Variants in QKI observed in about 807,000 individuals in gnomAD.
QKI encodes the protein KH domain-containing RNA-binding protein QKI.
Under a neutral mutation model 39.0 loss-of-function variants are expected in QKI, and 10 were observed. The ratio of observed to expected loss-of-function variants is 0.26; its 90% CI spans 0.16 to 0.43. The LOEUF (loss-of-function observed/expected upper bound fraction) is 0.43, where lower values mean the gene tolerates loss of function less well. QKI is among the 20% of genes least tolerant of loss of function. The probability of loss-of-function intolerance (pLI) is 1.00; values close to 1 mark genes in which losing one functional copy is unlikely to be tolerated. For synonymous variants in QKI, 204 were observed against 155.4 expected, an observed-to-expected ratio of 1.31 and a Z score of -2.33; for missense variants, 218 against 428.0, an observed-to-expected ratio of 0.51 and a Z score of 4.33.
chr6:163,570,477 C>CT, intron 7 of QKI: 2 of 935,550 alleles, frequency 2.1e-6, no homozygotes, highest in East Asian at 2.7e-4. Context: ...GTGGGCTCTT[C>CT]TTCATTTGTT....
intron 3 of QKI, among the ~76,000 whole-genome samples, chr6:163,496,712 T>TG (rs1287676950): frequency 2.0e-5 from 3 of 152,200 alleles, no homozygotes; most frequent in African/African-American, 7.2e-5. Context: ...AACATACACA[T>TG]GCTCTCATCA....
chr6:163,512,353 CAAAAT>C (rs983772458), intron 3 of QKI, among the ~76,000 whole-genome samples: 2 of 151,768 alleles, frequency 1.3e-5, no homozygotes, highest in African/African-American at 2.4e-5. Flanking sequence ...AGCAGTAAAA[CAAAAT>C]AAAAGGCATA....
chr6:163,418,329 C>G (rs1672628701), intron 1 of QKI, among the ~76,000 whole-genome samples: 1 of 152,012 alleles, frequency 6.6e-6, no homozygotes, highest in African/African-American at 2.4e-5. Context: ...TTCCATTTGG[C>G]TAGTTACAAA....
At chr6:163,472,086 G>C (rs1452766590) in intron 2 of QKI, among the ~76,000 whole-genome samples, 1 of 152,036 alleles carries the variant, frequency 6.6e-6, no homozygotes, top group Non-Finnish European at 1.5e-5. Flanking sequence ...AAAAATCCAC[G>C]TATAACTTTT....
At chr6:163,546,842 C>T (rs894153502) in intron 4 of QKI, among the ~76,000 whole-genome samples, 1 of 151,776 alleles carries the variant, frequency 6.6e-6, no homozygotes, top group Admixed American at 6.6e-5. Context: ...TCACAAGGCT[C>T]CTTTATGGGA....
chr6:163,565,956 C>T, intron 6 of QKI: 1 of 1,612,994 alleles, frequency 6.2e-7, no homozygotes, highest in Non-Finnish European at 8.5e-7. Flanking sequence ...GTATGGCTTT[C>T]CCAACGAAAG....
chr6:163,445,635 G>A (rs1427864591), intron 1 of QKI, among the ~76,000 whole-genome samples: 1 of 114,458 alleles, frequency 8.7e-6, no homozygotes, highest in East Asian at 2.2e-4. Context: ...TTTTTTTTTA[G>A]TTGGAGTCTT....
At chr6:163,457,648 T>C (rs1452635198) in intron 2 of QKI, 3 of 333,148 alleles carry the variant, frequency 9.0e-6, no homozygotes, top group African/African-American at 4.3e-5. Context: ...TTTTTTTTTT[T>C]TTTGGAGAGG....
At chr6:163,419,119 T>A (rs1393842516) in intron 1 of QKI, among the ~76,000 whole-genome samples, 1 of 152,158 alleles carries the variant, frequency 6.6e-6, no homozygotes, top group Non-Finnish European at 1.5e-5. Flanking sequence ...TCTTTTTGTG[T>A]TTACAGTAAA....
intron 3 of QKI, among the ~76,000 whole-genome samples, chr6:163,484,015 G>T (rs1165710666): frequency 6.6e-6 from 1 of 152,186 alleles, no homozygotes. Context: ...TCATCTCCTT[G>T]TACGTCTCTA....
Position 163,415,341 on chromosome 6 carries a change from C to G in QKI, c.142+6C>G. 1 of 1,563,324 alleles carries G rather than the reference C, an allele frequency of 6.4e-7. No individual in the cohort carries two copies. The highest frequency in any genetic ancestry group is 8.7e-7 in the Non-Finnish European group (1 of 1,147,536). ...CGAGCGGCTGCTGGACGAAGGTGAG[C>G]GTCTCCAGGGCCCCGGCCCCGGCCC... On this transcript the variant is annotated splice_donor_region_variant and intron_variant, in intron 1 of 7. Transcript: ENST00000361752.
chr6:163,543,404 G>C (rs1781667500), intron 4 of QKI, among the ~76,000 whole-genome samples: 1 of 151,982 alleles, frequency 6.6e-6, no homozygotes, highest in Non-Finnish European at 1.5e-5. Flanking sequence ...TTTCTACCTT[G>C]CAGAGCCATT....
chr6:163,502,619 G>A (rs1583111025), intron 3 of QKI, among the ~76,000 whole-genome samples: 1 of 152,216 alleles, frequency 6.6e-6, no homozygotes, highest in East Asian at 1.9e-4. Context: ...AATAGTGATT[G>A]TATTTATGGC....
chr6:163,489,067 T>C (rs1777881114), intron 3 of QKI, among the ~76,000 whole-genome samples: 1 of 151,366 alleles, frequency 6.6e-6, no homozygotes, highest in Non-Finnish European at 1.5e-5. Context: ...TATTATACTC[T>C]CAGCACTTTT....
chr6:163,562,400 T>A (rs986112900), intron 5 of QKI, among the ~76,000 whole-genome samples: 4 of 152,360 alleles, frequency 2.6e-5, no homozygotes, highest in African/African-American at 9.6e-5. Context: ...GTTAAATTTA[T>A]GCAAAAGACA....
At chr6:163,539,304 CCAGT>C (rs1463471384) in intron 4 of QKI, among the ~76,000 whole-genome samples, 4 of 152,014 alleles carry the variant, frequency 2.6e-5, no homozygotes, top group African/African-American at 4.8e-5. Context: ...GGTGACCTTG[CCAGT>C]CAATTTGTTT....
chr6:163,544,428 AGC>A (rs1160721782), intron 4 of QKI, among the ~76,000 whole-genome samples: 1 of 151,972 alleles, frequency 6.6e-6, no homozygotes, highest in Non-Finnish European at 1.5e-5. Context: ...TTTCAGAGAG[AGC>A]TTCAGCTCTC....
At chr6:163,489,028 CTGTGTA>C (rs1450296251) in intron 3 of QKI, among the ~76,000 whole-genome samples, 2 of 130,034 alleles carry the variant, frequency 1.5e-5, no homozygotes, top group African/African-American at 5.6e-5. Flanking sequence ...GTGTGTGTAT[CTGTGTA>C]TAATTTCTCA....
intron 3 of QKI, among the ~76,000 whole-genome samples, chr6:163,493,683 C>CT (rs1778211888): frequency 6.6e-6 from 1 of 152,084 alleles, no homozygotes; most frequent in Admixed American, 6.6e-5. Context: ...GGACCCTTCT[C>CT]TAACTTAAAA....
Sources: gnomAD v4.1 joint callset for allele counts (sites outside exome capture counted in the v4.1 genomes callset) on GRCh38, gnomAD v4.1.1 for gene constraint, MANE v1.5 for transcripts, NCBI Gene and HGNC (gene_info 2026-07-23, HGNC 2026-07-21) for gene names.